Variants in PALS2 observed in about 807,000 individuals in gnomAD.
PALS2 encodes the protein protein associated with LIN7 2, MAGUK p55 family member.
Under a neutral mutation model 61.6 loss-of-function variants are expected in PALS2, and 27 were observed. The ratio of observed to expected loss-of-function variants is 0.44; its 90% confidence interval spans 0.32 to 0.60. The LOEUF (loss-of-function observed/expected upper bound fraction) is 0.60. PALS2 is among the 20% of genes least tolerant of loss of function. The pLI is 0.05. For synonymous variants in PALS2, 236 were observed against 218.6 expected, an observed-to-expected ratio of 1.08 and a Z score of -0.70; for missense variants, 554 against 639.4, an observed-to-expected ratio of 0.87 and a Z score of 1.44.
intron 1 of PALS2, among the ~76,000 whole-genome samples, chr7:24,609,593 C>A (rs977048115): frequency 3.3e-5 from 5 of 152,078 alleles, no homozygotes; most frequent in African/African-American, 1.2e-4. Flanking sequence ...CAGTGGTTTC[C>A]TGTTTGAAAA....
At chr7:24,604,518 A>G (rs538666125) in intron 1 of PALS2, among the ~76,000 whole-genome samples, 1 of 152,328 alleles carries the variant, frequency 6.6e-6, no homozygotes, top group South Asian at 2.1e-4. Context: ...TCCAACACAC[A>G]TGTAATGGGA....
intron 1 of PALS2, among the ~76,000 whole-genome samples, chr7:24,608,268 ATG>A (rs1001476980): frequency 1.3e-5 from 2 of 151,862 alleles, no homozygotes; most frequent in Admixed American, 1.3e-4. Context: ...CCATTTTTTT[ATG>A]TTTTAAACAT....
chr7:24,608,694 T>C (rs1280624387), intron 1 of PALS2, among the ~76,000 whole-genome samples: 1 of 152,166 alleles, frequency 6.6e-6, no homozygotes, highest in Non-Finnish European at 1.5e-5. Context: ...CTTGAACTCT[T>C]TGGCTCAAGT....
chr7:24,666,164 A>G lies in PALS2; in HGVS notation c.952+75A>G, dbSNP rs561458061. 715 of 1,320,682 alleles carry G rather than the reference A, an allele frequency of 5.4e-4. 4 individuals are homozygous for G. In the Middle Eastern group the frequency reaches 0.018, roughly 34 times the overall value. 81.8% of individuals were successfully genotyped at this position (1,320,682 alleles called of 1,614,324 possible). A position where few individuals can be genotyped will look rare whatever the true frequency, so the allele number is the denominator to read the frequency against. On this transcript the variant is annotated intron_variant, in intron 8 of 11. Coordinates refer to ENST00000222644, the MANE Select transcript of PALS2 (RefSeq NM_001303037.2). ...ATTTAGTGTGGCATAAACTCTGAAT[A>G]TACAGCTTTAAGTGAGTGTAATTCA...
chr7:24,650,842 G>T, intron 5 of PALS2, 130 bp downstream of exon 5: 1 of 655,254 alleles, frequency 1.5e-6, no homozygotes, highest in Non-Finnish European at 2.5e-6. Flanking sequence ...TTCTGAAATG[G>T]CTTATTTTGT....
chr7:24,645,394 TTTTGTCAGC>T (rs1397045325), intron 3 of PALS2, among the ~76,000 whole-genome samples: 1 of 152,204 alleles, frequency 6.6e-6, no homozygotes, highest in African/African-American at 2.4e-5. Context: ...CGTTGTTTGT[TTTTGTCAGC>T]TTTGTCAAAG....
chr7:24,639,618 C>T (rs1421427519), intron 2 of PALS2, among the ~76,000 whole-genome samples: 1 of 151,250 alleles, frequency 6.6e-6, no homozygotes, highest in African/African-American at 2.4e-5. Context: ...TCTATCTAAA[C>T]AATTGGCAAT....
At chr7:24,642,865 G>A (rs916750752) in intron 3 of PALS2, among the ~76,000 whole-genome samples, 17 of 152,104 alleles carry the variant, frequency 1.1e-4, no homozygotes, top group African/African-American at 3.9e-4. Context: ...GGACTTTATC[G>A]TAAGGACAAT....
At chr7:24,624,171 T>G (rs1289024079) in intron 2 of PALS2, 15 of 1,244,858 alleles carry the variant, frequency 1.2e-5, no homozygotes, top group African/African-American at 1.6e-5. Flanking sequence ...GTTCTTGACT[T>G]CCTTTATCTA....
At chr7:24,650,930 A>G (rs148368821) in intron 5 of PALS2, among the ~76,000 whole-genome samples, 43 of 152,352 alleles carry the variant, frequency 2.8e-4, no homozygotes, top group Non-Finnish European at 4.7e-4. Flanking sequence ...CATTAACACC[A>G]GGAACCCTGG....
intron 1 of PALS2, among the ~76,000 whole-genome samples, chr7:24,603,652 A>G (rs373400223): frequency 2.0e-5 from 3 of 152,334 alleles, no homozygotes; most frequent in African/African-American, 7.2e-5. Context: ...TTTGTCCACA[A>G]CATTGGCTCA....
At chr7:24,659,912 A>G (rs1786626839) in intron 5 of PALS2, among the ~76,000 whole-genome samples, 1 of 152,156 alleles carries the variant, frequency 6.6e-6, no homozygotes, top group Non-Finnish European at 1.5e-5. Context: ...CATGCACTGT[A>G]ACCACCTTGA....
At chr7:24,592,596 A>G (rs1054750249) in intron 1 of PALS2, among the ~76,000 whole-genome samples, 4 of 152,248 alleles carry the variant, frequency 2.6e-5, no homozygotes, top group South Asian at 4.1e-4. Flanking sequence ...GAAAATAAAT[A>G]CAGGCATACC....
intron 1 of PALS2, among the ~76,000 whole-genome samples, chr7:24,612,149 T>G (rs1470718702): frequency 6.6e-6 from 1 of 152,012 alleles, no homozygotes; most frequent in African/African-American, 2.4e-5. Context: ...GTTTTTTGCC[T>G]TAATACTTTG....
chr7:24,608,341 T>C (rs996619686), intron 1 of PALS2, among the ~76,000 whole-genome samples: 4 of 152,192 alleles, frequency 2.6e-5, no homozygotes, highest in African/African-American at 9.6e-5. Flanking sequence ...GCTCTGCACA[T>C]GGTAGACCCC....
chr7:24,670,594 C>A (rs552676265), intron 9 of PALS2, among the ~76,000 whole-genome samples: 1 of 152,182 alleles, frequency 6.6e-6, no homozygotes, highest in East Asian at 1.9e-4. Flanking sequence ...ATTTTCTGCC[C>A]TTTATTTGAC....
At chr7:24,682,453 C>G (rs1296632577) in intron 11 of PALS2, among the ~76,000 whole-genome samples, 1 of 152,168 alleles carries the variant, frequency 6.6e-6, no homozygotes, top group Non-Finnish European at 1.5e-5. Context: ...TCCCTGGACT[C>G]AGCTCTGTCC....
rs546358751 is a variant in PALS2, at chr7:24,626,564, T to G, written c.117+2780T>G. Among the ~76,000 whole-genome samples, 63 of 152,254 alleles carry G rather than the reference T, an allele frequency of 4.1e-4. 3 individuals carry two copies. In the South Asian group the frequency reaches 0.012, roughly 30 times the overall value. On this transcript the variant is annotated intron_variant, in intron 2 of 11. Transcript: ENST00000222644. ...AGATGTAAATGGCTAAATGCCCCAA[T>G]TAAAAGACATAGACCAGCAAATTGG... is the stretch of plus-strand genomic sequence containing the variant.
At chr7:24,634,323 T>C (rs568921190) in intron 2 of PALS2, among the ~76,000 whole-genome samples, 101 of 152,276 alleles carry the variant, frequency 6.6e-4, no homozygotes, top group African/African-American at 2.2e-3. Context: ...CTCTGCCTTC[T>C]GGGTTCATGC....
Sources: gnomAD v4.1 joint callset for allele counts (sites outside exome capture counted in the v4.1 genomes callset) on GRCh38, gnomAD v4.1.1 for gene constraint, MANE v1.5 for transcripts, NCBI Gene and HGNC (gene_info 2026-07-23, HGNC 2026-07-21) for gene names.